Variants in ANKRD17 observed in about 807,000 individuals in gnomAD.
ANKRD17 encodes ankyrin repeat domain 17, also known as ankyrin repeat domain-containing protein 17.
ANKRD17 carries 19 observed loss-of-function variants against 229.7 expected under a neutral mutation model. The ratio of observed to expected loss-of-function variants is 0.08; its 90% CI spans 0.06 to 0.12. The LOEUF (loss-of-function observed/expected upper bound fraction) is 0.12, where lower values mean the gene tolerates loss of function less well. ANKRD17 is among the 10% of genes least tolerant of loss of function. The pLI is 1.00. For synonymous variants in ANKRD17, 1,112 were observed against 1,146.1 expected, an observed-to-expected ratio of 0.97 and a Z score of 0.60; for missense variants, 2,176 against 3,176.8, an observed-to-expected ratio of 0.68 and a Z score of 7.57.
chr4:73,110,536 G>A (rs1024630391), intron 24 of ANKRD17, among the ~76,000 whole-genome samples: 1 of 152,126 alleles, frequency 6.6e-6, no homozygotes, highest in Non-Finnish European at 1.5e-5. Flanking sequence ...ACTTTTATAC[G>A]AGGAATAACT....
intron 1 of ANKRD17, among the ~76,000 whole-genome samples, chr4:73,216,606 C>T (rs1255493989): frequency 6.6e-6 from 1 of 152,136 alleles, no homozygotes; most frequent in Admixed American, 6.5e-5. Flanking sequence ...TCCTTATAAG[C>T]TGCTTATGAA....
intron 24 of ANKRD17, among the ~76,000 whole-genome samples, chr4:73,110,011 C>CAAAAA (rs1175850592): frequency 6.0e-5 from 2 of 33,218 alleles, no homozygotes; most frequent in African/African-American, 2.8e-4. Flanking sequence ...AAAAGTTTAC[C>CAAAAA]AAAAAAAAAA....
At chr4:73,118,044 C>T (rs184718914) in intron 22 of ANKRD17, among the ~76,000 whole-genome samples, 2 of 151,978 alleles carry the variant, frequency 1.3e-5, no homozygotes, top group Admixed American at 6.6e-5. Flanking sequence ...GAGACGGGGT[C>T]GTACTCTTGT....
intron 1 of ANKRD17, among the ~76,000 whole-genome samples, chr4:73,244,884 C>A (rs570313325): frequency 6.6e-6 from 1 of 152,136 alleles, no homozygotes; most frequent in African/African-American, 2.4e-5. Context: ...TGGAAGGGCA[C>A]ATCATATGCC....
At position 73,140,210 on chromosome 4, in the gene ANKRD17, C is replaced by A; in HGVS notation, c.2406G>T (p.Gln802His). 1 of 1,613,782 alleles carries A rather than the reference C, an allele frequency of 6.2e-7. No homozygotes were observed. The highest frequency in any genetic ancestry group is 8.5e-7 in the Non-Finnish European group (1 of 1,179,982). The stretch of plus-strand genomic sequence containing the variant: ...CCTCTTCTACAATGCTCTCTGGAGA[C>A]TGATTGGTGATGTAACCCTGTACAT... ...SQDVQGYITN[Q>H]SPESIVEEAQ... Residue 802 changes from glutamine to histidine, a missense_variant, in exon 15 of 34, where the codon CAG becomes CAT. Gln to His is a conservative substitution (Grantham distance 24, BLOSUM62 0). This residue lies in a region of ANKRD17 where 275 missense variants were observed against 386.9 expected (regional missense o/e 0.71). Coordinates refer to ENST00000358602, the MANE Select transcript of ANKRD17 (RefSeq NM_032217.5).
chr4:73,095,277 G>A (rs763828591), intron 27 of ANKRD17, among the ~76,000 whole-genome samples: 32 of 151,852 alleles, frequency 2.1e-4, no homozygotes, highest in Middle Eastern at 3.4e-3. Flanking sequence ...AATAATGTCC[G>A]GAAAAAGAAA....
At position 73,146,785 on chromosome 4, in the gene ANKRD17, T is replaced by G; in HGVS notation, c.1848A>C (p.Leu616Phe). The change falls in exon 10 of 34, where the codon TTA (leucine) becomes TTC (phenylalanine). Residue 616 changes from leucine (L) to phenylalanine (F), a missense_variant. Coordinates refer to ENST00000358602, the MANE Select transcript of ANKRD17 (RefSeq NM_032217.5). ...TTACCAGATCTGCGCCTGCCTGAAG[T>G]AAGACATCTGCTACATCAGTATGAC... ...ENGHTDVADV[L>F]LQAGADLEHE... The G allele has an allele frequency of 6.2e-7, 1 of 1,610,284 alleles. No homozygotes were observed. Among genetic ancestry groups the G allele is most frequent in the Non-Finnish European group, 8.5e-7 (1 of 1,177,656 alleles).
intron 16 of ANKRD17, 142 bp downstream of exon 16, chr4:73,134,975 G>T: frequency 1.3e-6 from 1 of 766,772 alleles, no homozygotes; most frequent in Non-Finnish European, 1.9e-6. Context: ...TTTTAAATGT[G>T]AACTTTAATT....
intron 1 of ANKRD17, among the ~76,000 whole-genome samples, chr4:73,248,058 A>C (rs1744660186): frequency 6.6e-6 from 1 of 152,040 alleles, no homozygotes; most frequent in African/African-American, 2.4e-5. Flanking sequence ...ACTGTCTTGT[A>C]ATTCAATCTT....
At chr4:73,155,370 G>C (rs142932515) in intron 5 of ANKRD17, among the ~76,000 whole-genome samples, 1 of 152,168 alleles carries the variant, frequency 6.6e-6, no homozygotes, top group Admixed American at 6.5e-5. Flanking sequence ...ATTTCCAAGA[G>C]AGTGGTCCAT....
At chr4:73,129,176 T>A (rs1409594430) in intron 16 of ANKRD17, among the ~76,000 whole-genome samples, 1 of 152,216 alleles carries the variant, frequency 6.6e-6, no homozygotes, top group Non-Finnish European at 1.5e-5. Context: ...AGTTAGCCCA[T>A]GATGCCATAA....
At chr4:73,210,423 A>G (rs747329016) in intron 1 of ANKRD17, among the ~76,000 whole-genome samples, 1 of 152,184 alleles carries the variant, frequency 6.6e-6, no homozygotes, top group East Asian at 1.9e-4. Context: ...GTGCTGAGAG[A>G]AATTAAAGAA....
At chr4:73,239,746 T>C (rs1013978125) in intron 1 of ANKRD17, among the ~76,000 whole-genome samples, 1 of 152,154 alleles carries the variant, frequency 6.6e-6, no homozygotes, top group East Asian at 1.9e-4. Context: ...TGGAAAAAGA[T>C]ACTGCAATTT....
At chr4:73,116,282 T>G (rs1725946197) in intron 22 of ANKRD17, among the ~76,000 whole-genome samples, 1 of 152,188 alleles carries the variant, frequency 6.6e-6, no homozygotes, top group African/African-American at 2.4e-5. Context: ...CTAGTTTCAA[T>G]TCTAAGGATT....
At chr4:73,118,903 T>C in intron 21 of ANKRD17, 53 bp from the exon 22 acceptor site, 1 of 1,469,620 alleles carries the variant, frequency 6.8e-7, no homozygotes, top group East Asian at 2.3e-5. Context: ...TTTTTTTTTT[T>C]TGATACAGGG....
intron 2 of ANKRD17, among the ~76,000 whole-genome samples, chr4:73,165,691 A>C (rs986140642): frequency 2.6e-5 from 4 of 152,210 alleles, no homozygotes; most frequent in Non-Finnish European, 4.4e-5. Context: ...GGCCTGACCC[A>C]ATCAAATGAG....
At chr4:73,157,107 T>A (rs962872125) in intron 3 of ANKRD17, among the ~76,000 whole-genome samples, 4 of 152,088 alleles carry the variant, frequency 2.6e-5, no homozygotes, top group African/African-American at 9.7e-5. Context: ...CACATACAAA[T>A]AACAGGTCAT....
chr4:73,183,325 G>C (rs1490741001), intron 1 of ANKRD17, among the ~76,000 whole-genome samples: 1 of 152,150 alleles, frequency 6.6e-6, no homozygotes, highest in African/African-American at 2.4e-5. Context: ...TTGTTTTTCA[G>C]ACATGCATAC....
intron 1 of ANKRD17, among the ~76,000 whole-genome samples, chr4:73,233,815 T>C (rs1487149042): frequency 1.3e-5 from 2 of 152,200 alleles, no homozygotes; most frequent in African/African-American, 4.8e-5. Flanking sequence ...GAAGTCACTG[T>C]TCCACTGCCT....
Sources: gnomAD v4.1 joint callset for allele counts (sites outside exome capture counted in the v4.1 genomes callset) on GRCh38, gnomAD v4.1.1 for gene constraint, gnomAD v4.1.1 regional missense constraint, MANE v1.5 for transcripts, NCBI Gene and HGNC (gene_info 2026-07-23, HGNC 2026-07-21) for gene names.